BLTP1: variants seen among roughly 807,000 people sequenced by gnomAD.
BLTP1 encodes bridge-like lipid transfer protein family member 1.
At chr4:122,237,677 G>GTT in the BLTP1 span, 1 of 723,574 alleles carries the variant, frequency 1.4e-6, no homozygotes, top group South Asian at 6.3e-5. Context: ...TTTCTAAAAC[G>GTT]TTTAACAAAT....
At chr4:122,154,661 CAGG>C in the BLTP1 span, among the ~76,000 whole-genome samples, 3 of 152,136 alleles carry the variant, frequency 2.0e-5, no homozygotes, top group African/African-American at 7.2e-5. Context: ...ATCACAAGGT[CAGG>C]AGATCGAGAC....
At chr4:122,296,984 C>T in the BLTP1 span, among the ~76,000 whole-genome samples, 1 of 152,086 alleles carries the variant, frequency 6.6e-6, no homozygotes, top group African/African-American at 2.4e-5. Flanking sequence ...AAAATCTAGA[C>T]AATACCATTT....
At chr4:122,299,267 T>G in the BLTP1 span, 1 of 343,896 alleles carries the variant, frequency 2.9e-6, no homozygotes, top group Non-Finnish European at 4.1e-6. Context: ...CACTCAAATA[T>G]TAGGTATTAG....
the BLTP1 span, among the ~76,000 whole-genome samples, chr4:122,332,629 CT>C: frequency 1.5e-4 from 22 of 142,548 alleles, no homozygotes; most frequent in African/African-American, 3.6e-4. Flanking sequence ...TAAAAGTTTG[CT>C]TTTTTTTTTT....
chr4:122,281,211 A>G, the BLTP1 span: 1 of 591,478 alleles, frequency 1.7e-6, no homozygotes, highest in Non-Finnish European at 2.1e-6. Flanking sequence ...CAATAATATC[A>G]GTAGTAGCGT....
At chr4:122,331,574 C>T in the BLTP1 span, 2 of 1,590,558 alleles carry the variant, frequency 1.3e-6, no homozygotes. Context: ...ATACATGAAA[C>T]TTTATCTATT....
the BLTP1 span, among the ~76,000 whole-genome samples, chr4:122,185,732 C>T: frequency 3.3e-5 from 5 of 151,848 alleles, no homozygotes; most frequent in Non-Finnish European, 7.4e-5. Flanking sequence ...TAAAGGTGTA[C>T]TTTTACTCTT....
the BLTP1 span, among the ~76,000 whole-genome samples, chr4:122,192,804 A>G: frequency 1.2e-4 from 18 of 152,204 alleles, no homozygotes; most frequent in East Asian, 2.9e-3. Flanking sequence ...ATTAGGTGCT[A>G]TAATAAAGGT....
chr4:122,246,803 A>G, the BLTP1 span: 1 of 1,612,652 alleles, frequency 6.2e-7, no homozygotes, highest in Non-Finnish European at 8.5e-7. Context: ...ACAGGTTCGC[A>G]TGAACAGGTA....
chr4:122,309,379 C>T, the BLTP1 span: 1 of 1,613,504 alleles, frequency 6.2e-7, no homozygotes, highest in Non-Finnish European at 8.5e-7. Flanking sequence ...ATTTCAAAAA[C>T]TTTTGTATCC....
chr4:122,271,718 C>T, the BLTP1 span: 1 of 1,555,732 alleles, frequency 6.4e-7, no homozygotes, highest in Non-Finnish European at 8.7e-7. Flanking sequence ...AACATTTGGA[C>T]CAGCAGGTAA....
At chr4:122,176,207 G>A in the BLTP1 span, among the ~76,000 whole-genome samples, 1 of 151,960 alleles carries the variant, frequency 6.6e-6, no homozygotes, top group African/African-American at 2.4e-5. Flanking sequence ...GGAGGCTGAG[G>A]CAGGAGAATT....
At chr4:122,186,276 T>G in the BLTP1 span, 214 of 1,458,548 alleles carry the variant, frequency 1.5e-4, 1 homozygote, top group Non-Finnish European at 1.9e-5. Context: ...CATTTGCCTT[T>G]ATTAGAATAT....
chr4:122,332,629 C>CTTTTTTTTTT, the BLTP1 span, among the ~76,000 whole-genome samples: 2 of 142,552 alleles, frequency 1.4e-5, no homozygotes, highest in Non-Finnish European at 3.0e-5. Flanking sequence ...TAAAAGTTTG[C>CTTTTTTTTTT]TTTTTTTTTT....
chr4:122,239,556 A>T, the BLTP1 span: 1 of 1,609,546 alleles, frequency 6.2e-7, no homozygotes. Flanking sequence ...TGTGTCTCCT[A>T]ATACTCAGGA....
chr4:122,292,540 CTG>C, the BLTP1 span: 16 of 832,402 alleles, frequency 1.9e-5, no homozygotes, highest in Non-Finnish European at 2.3e-5. Context: ...TACATTTAGA[CTG>C]TCAGAAGAAA....
the BLTP1 span, chr4:122,339,555 A>G: frequency 5.1e-6 from 3 of 593,078 alleles, no homozygotes; most frequent in Non-Finnish European, 7.8e-6. Context: ...TCTATAGCAG[A>G]CCAATGTTTT....
At chr4:122,159,154 A>G in the BLTP1 span, among the ~76,000 whole-genome samples, 2 of 152,098 alleles carry the variant, frequency 1.3e-5, no homozygotes, top group African/African-American at 4.8e-5. Context: ...TATAAGTACA[A>G]TTCTGTTATT....
the BLTP1 span, chr4:122,336,774 C>A: frequency 7.7e-7 from 1 of 1,300,590 alleles, no homozygotes; most frequent in East Asian, 2.6e-5. Context: ...GCAAATGTTT[C>A]CGGGTGTTCA....
Sources: gnomAD v4.1 joint callset for allele counts (sites outside exome capture counted in the v4.1 genomes callset) on GRCh38, gnomAD v4.1.1 for gene constraint, MANE v1.5 for transcripts, NCBI Gene and HGNC (gene_info 2026-07-23, HGNC 2026-07-21) for gene names.